Variants in SERPINB7 observed in about 807,000 individuals in gnomAD.
The protein encoded by SERPINB7 is serpin family B member 7.
Under a neutral mutation model 37.4 loss-of-function variants are expected in SERPINB7, and 31 were observed. The ratio of observed to expected loss-of-function variants is 0.83; its 90% CI spans 0.62 to 1.12. SERPINB7 has a LOEUF of 1.12. Ranked by LOEUF, SERPINB7 falls within the 50% of genes most tolerant of loss-of-function variation. The probability of loss-of-function intolerance (pLI) is 0.00; values close to 1 mark genes in which losing one functional copy is unlikely to be tolerated. For missense variants in SERPINB7, 521 were observed against 455.3 expected (o/e 1.14, Z -1.31); for synonymous variants, 163 against 166.1 (o/e 0.98, Z 0.14).
chr18:63,781,811 A>C (rs1044395907), intron 1 of SERPINB7, among the ~76,000 whole-genome samples: 2 of 152,244 alleles, frequency 1.3e-5, no homozygotes, highest in Non-Finnish European at 2.9e-5. Context: ...AAATTAATGC[A>C]CTTATGGGAC....
At chr18:63,755,951 A>T (rs1263088794) in intron 1 of SERPINB7, among the ~76,000 whole-genome samples, 1 of 152,178 alleles carries the variant, frequency 6.6e-6, no homozygotes, top group Non-Finnish European at 1.5e-5. Flanking sequence ...GTGAATAAAA[A>T]GTATAAAGTT....
intron 1 of SERPINB7, among the ~76,000 whole-genome samples, chr18:63,779,375 A>G (rs1195136357): frequency 1.3e-5 from 2 of 152,190 alleles, no homozygotes; most frequent in Non-Finnish European, 2.9e-5. Flanking sequence ...AATAAGAATC[A>G]GACTTTATAT....
chr18:63,768,577 A>G (rs1187023171), intron 1 of SERPINB7, among the ~76,000 whole-genome samples: 4 of 152,112 alleles, frequency 2.6e-5, no homozygotes, highest in Non-Finnish European at 5.9e-5. Flanking sequence ...TTGTGATACA[A>G]TTAGATATTT....
intron 1 of SERPINB7, among the ~76,000 whole-genome samples, chr18:63,767,383 T>C (rs1368187624): frequency 2.0e-5 from 3 of 152,134 alleles, no homozygotes; most frequent in African/African-American, 7.2e-5. Flanking sequence ...CTCACCATTG[T>C]CTTGATTGTA....
intron 1 of SERPINB7, among the ~76,000 whole-genome samples, chr18:63,779,515 C>T (rs1303214573): frequency 1.3e-5 from 2 of 151,982 alleles, no homozygotes; most frequent in African/African-American, 4.8e-5. Context: ...CATACATGAA[C>T]ATGTCTGTAC....
chr18:63,800,425 T>C (rs1301596076), intron 6 of SERPINB7, among the ~76,000 whole-genome samples: 1 of 152,122 alleles, frequency 6.6e-6, no homozygotes, highest in African/African-American at 2.4e-5. Context: ...AAAAAACCTA[T>C]AGCATTCATT....
At chr18:63,770,950 G>A (rs968864133), upstream of SERPINB7, among the ~76,000 whole-genome samples, 5 of 146,222 alleles carry the variant, frequency 3.4e-5, no homozygotes, top group East Asian at 2.1e-4. Flanking sequence ...ATTCATCTTC[G>A]TTGGAACAAA....
Position 63,796,258 on chromosome 18 carries a change from CT to C in SERPINB7, c.337-5del. Reference sequence around the variant, plus strand: ...TTGTAAATACGAGAACTATATTCTTCTTTATAGGACTACATTGAGTGTGCCG... The same window carrying C: ...TTGTAAATACGAGAACTATATTCTTCTTATAGGACTACATTGAGTGTGCCG... On this transcript the variant is annotated splice_region_variant and splice_polypyrimidine_tract_variant and intron_variant, in intron 4 of 7. Coordinates refer to ENST00000398019, the MANE Select transcript of SERPINB7 (RefSeq NM_003784.4). 1 of 1,502,706 alleles carries C rather than the reference CT, an allele frequency of 6.7e-7. No individual in the cohort carries two copies. Among genetic ancestry groups the C allele is most frequent in the Non-Finnish European group, 9.2e-7 (1 of 1,081,676 alleles). The allele number at this position is 1,502,706 out of a possible 1,614,324, so 93.1% of individuals were successfully genotyped here.
chr18:63,796,450 G>T (rs915274994), intron 5 of SERPINB7, 67 bp downstream of exon 5: 1 of 856,562 alleles, frequency 1.2e-6, no homozygotes, highest in Admixed American at 1.9e-5. Context: ...GGGAACAAAA[G>T]CTGGGAGTCT....
Position 63,798,636 on chromosome 18 carries a change from A to C in SERPINB7, c.487A>C (p.Ile163Leu). Residue 163 changes from isoleucine (I) to leucine (L), a missense_variant, in exon 6 of 8, where the codon ATA (isoleucine) becomes CTA (leucine). Physicochemically the swap from Ile to Leu is conservative, Grantham distance 5. Transcript: ENST00000398019. ...KIKNVIGEGGISSSAVMVLVN... is the reference protein window; with the variant it reads ...KIKNVIGEGGLSSSAVMVLVN... Reference sequence around the variant, plus strand: ...CAAGAACGTGATTGGTGAAGGTGGCATAAGCTCATCTGCTGTAATGGTGCT... The same window carrying C: ...CAAGAACGTGATTGGTGAAGGTGGCCTAAGCTCATCTGCTGTAATGGTGCT... The C allele has an allele frequency of 6.3e-7, 1 of 1,599,834 alleles. No individual in the cohort carries two copies. The highest frequency in any genetic ancestry group is 8.5e-7 in the Non-Finnish European group (1 of 1,173,776).
At chr18:63,778,015 C>G (rs2049267358) in intron 1 of SERPINB7, 1 of 151,814 alleles carries the variant, frequency 6.6e-6, no homozygotes, top group Non-Finnish European at 1.5e-5. Flanking sequence ...GGATAATGGT[C>G]CTCTTGTCTG....
chr18:63,798,777 AC>A (rs1231818688), intron 6 of SERPINB7, 31 bp downstream of exon 6: 13 of 1,604,916 alleles, frequency 8.1e-6, no homozygotes, highest in Admixed American at 1.7e-5. Flanking sequence ...TTAATTTAGA[AC>A]TTTTCCACAA....
intron 4 of SERPINB7, among the ~76,000 whole-genome samples, chr18:63,793,578 C>T (rs1351117035): frequency 2.6e-5 from 4 of 152,120 alleles, no homozygotes; most frequent in Admixed American, 2.0e-4. Context: ...TAGGGGTGTC[C>T]ATGGCAGGAA....
chr18:63,783,221 AGAGAGAGAGAG>A (rs1568207778), intron 2 of SERPINB7, among the ~76,000 whole-genome samples: 343 of 77,400 alleles, frequency 4.4e-3, no homozygotes, highest in Non-Finnish European at 5.9e-3. Flanking sequence ...AGAGAGAGAG[AGAGAGAGAGAG>A]AGAAAGAAAG....
intron 2 of SERPINB7, among the ~76,000 whole-genome samples, chr18:63,785,237 C>T (rs1324055585): frequency 6.6e-6 from 1 of 152,206 alleles, no homozygotes; most frequent in Non-Finnish European, 1.5e-5. Flanking sequence ...CTCATTACTA[C>T]ACTCGACCCT....
intron 2 of SERPINB7, among the ~76,000 whole-genome samples, chr18:63,788,587 A>T (rs2049396237): frequency 6.6e-6 from 1 of 152,242 alleles, no homozygotes; most frequent in South Asian, 2.1e-4. Context: ...CTAAGTGTAC[A>T]GTGCTTGTGA....
chr18:63,780,038 C>T (rs999344139), intron 1 of SERPINB7, among the ~76,000 whole-genome samples: 3 of 152,184 alleles, frequency 2.0e-5, no homozygotes, highest in East Asian at 1.9e-4. Context: ...ATTTAAAAAC[C>T]TTTCAGGTCT....
intron 1 of SERPINB7, among the ~76,000 whole-genome samples, chr18:63,780,892 T>A (rs575418450): frequency 3.7e-4 from 57 of 152,328 alleles, no homozygotes; most frequent in African/African-American, 1.3e-3. Flanking sequence ...TGGAAATGTT[T>A]GCTGTCTTTT....
At chr18:63,770,026 A>G (rs1374609809) in intron 1 of SERPINB7, among the ~76,000 whole-genome samples, 1 of 149,202 alleles carries the variant, frequency 6.7e-6, no homozygotes, top group African/African-American at 2.5e-5. Context: ...CCATCAAAGG[A>G]TGGAGGCAGG....
Sources: gnomAD v4.1 joint callset for allele counts (sites outside exome capture counted in the v4.1 genomes callset) on GRCh38, gnomAD v4.1.1 for gene constraint, MANE v1.5 for transcripts, NCBI Gene and HGNC (gene_info 2026-07-23, HGNC 2026-07-21) for gene names.